The following NRP2 variants were observed in gnomAD, a reference collection of about 807,000 sequenced individuals.
NRP2 encodes the protein neuropilin-2.
A neutral mutation model predicts 110.4 loss-of-function variants in NRP2; 52 were observed. The observed-to-expected ratio is 0.47, with a 90% CI of 0.38 to 0.59. The LOEUF (loss-of-function observed/expected upper bound fraction) is 0.59. Ranked by LOEUF, NRP2 falls within the 20% of genes least tolerant of loss-of-function variation. NRP2 has a pLI of 0.00. For synonymous variants in NRP2, 508 were observed against 468.9 expected (o/e 1.08, Z -1.08); for missense variants, 1,049 against 1,203.0 (o/e 0.87, Z 1.89).
At chr2:205,737,773 T>C (rs373376374) in intron 7 of NRP2, among the ~76,000 whole-genome samples, 4 of 152,304 alleles carry the variant, frequency 2.6e-5, no homozygotes, top group South Asian at 2.1e-4. Context: ...TGAAGTTCAA[T>C]TGAAGCAGTC....
At chr2:205,766,911 G>C (rs928106772) in intron 15 of NRP2, 108 bp downstream of exon 15, 4 of 1,043,752 alleles carry the variant, frequency 3.8e-6, no homozygotes, top group South Asian at 1.3e-5. Context: ...GTCAAATCTC[G>C]CAAGAGAAAA....
chr2:205,781,897 C>A (rs1347928737), intron 15 of NRP2, among the ~76,000 whole-genome samples: 3 of 152,104 alleles, frequency 2.0e-5, no homozygotes, highest in African/African-American at 7.2e-5. Flanking sequence ...AGATCAGGTG[C>A]ACCACAGTAT....
chr2:205,697,547 C>G lies in NRP2; in HGVS notation c.77C>G (p.Pro26Arg), dbSNP rs2056459463. 1 of 1,613,794 alleles carries G rather than the reference C, an allele frequency of 6.2e-7. No homozygotes were observed. Reference sequence around the variant, plus strand: ...GGGTCGTTGATTTCTCTTTCAGACCCACCGTGCGGAGGTCGTTTGAATTCC... The same window carrying G: ...GGGTCGTTGATTTCTCTTTCAGACCGACCGTGCGGAGGTCGTTTGAATTCC... ...SRHQVRGQPD[P>R]PCGGRLNSKD... The change falls in exon 2 of 17, where the codon CCA becomes CGA. Residue 26 changes from proline to arginine, a missense_variant. Pro to Arg is a moderately radical substitution (Grantham distance 103). Coordinates refer to ENST00000357785, the MANE Select transcript of NRP2 (RefSeq NM_003872.3).
At chr2:205,748,417 A>G (rs1445551124) in intron 10 of NRP2, among the ~76,000 whole-genome samples, 3 of 152,200 alleles carry the variant, frequency 2.0e-5, no homozygotes, top group Non-Finnish European at 4.4e-5. Flanking sequence ...AGTTTGCTTT[A>G]CAATCGAGTT....
chr2:205,690,684 G>T (rs2056296129), intron 1 of NRP2, among the ~76,000 whole-genome samples: 1 of 151,540 alleles, frequency 6.6e-6, no homozygotes, highest in Admixed American at 6.6e-5. Context: ...GGAGGCTAAG[G>T]CAGGAAAATC....
At chr2:205,723,193 G>A (rs1434447235) in intron 4 of NRP2, among the ~76,000 whole-genome samples, 1 of 152,176 alleles carries the variant, frequency 6.6e-6, no homozygotes. Context: ...CATTAATATA[G>A]TCATAAATAT....
intron 8 of NRP2, 23 bp downstream of exon 8, chr2:205,740,686 G>A: frequency 2.5e-6 from 4 of 1,613,522 alleles, no homozygotes; most frequent in Non-Finnish European, 3.4e-6. Context: ...CTCCAATGAG[G>A]TTGGGGTGCT....
chr2:205,722,259 C>T (rs2057035901), intron 3 of NRP2: 2 of 594,812 alleles, frequency 3.4e-6, no homozygotes, highest in African/African-American at 1.9e-5. Flanking sequence ...TTGCTGCTCT[C>T]ACTCTAATAA....
chr2:205,755,714 G>A (rs966824097), intron 12 of NRP2, among the ~76,000 whole-genome samples: 5 of 152,038 alleles, frequency 3.3e-5, no homozygotes, highest in Admixed American at 1.3e-4. Context: ...AGCGGCTGGC[G>A]CCCACAGAGT....
intron 2 of NRP2, among the ~76,000 whole-genome samples, chr2:205,701,772 T>C (rs528198348): frequency 6.9e-4 from 105 of 152,326 alleles, no homozygotes; most frequent in Non-Finnish European, 1.1e-3. Context: ...AATATCCACC[T>C]TTAAAGTTCT....
At chr2:205,726,297 G>A (rs1017048643) in intron 6 of NRP2, among the ~76,000 whole-genome samples, 1 of 152,186 alleles carries the variant, frequency 6.6e-6, no homozygotes, top group Non-Finnish European at 1.5e-5. Flanking sequence ...TGCCCTTGTG[G>A]GGATTACTGG....
chr2:205,725,868 T>G lies in NRP2; in HGVS notation c.821-45T>G. 1.4e-5 allele frequency: 23 copies of G among 1,607,226 alleles called. No homozygotes were observed. The highest frequency in any genetic ancestry group is 1.7e-5 in the Non-Finnish European group (20 of 1,174,908). ...GCAGCATTTGGGGGATCCCGAGGTA[T>G]GAGGTTGGAAGGCCTAACTGCATTT... On this transcript the variant is annotated intron_variant, in intron 5 of 16. Transcript: ENST00000357785. This position sits in a 1 kb window ranked among gnomAD's most constrained non-coding sequence, Gnocchi z 4.1.
rs768218901 is a variant in NRP2, at chr2:205,765,510, G to A, written c.2344G>A (p.Gly782Arg). ...GGGAGTGATAGGGAAAGGACGTTCCGGAGAGATTGCCATTGATGACATTCG... is the reference window on the plus strand; with the variant it reads ...GGGAGTGATAGGGAAAGGACGTTCCAGAGAGATTGCCATTGATGACATTCG... ...FEGVIGKGRS[G>R]EIAIDDIRIS... The change falls in exon 14 of 17, where the codon GGA becomes AGA. Residue 782 changes from glycine (G) to arginine (R), a missense_variant. Transcript: ENST00000357785. 9.9e-6 allele frequency: 16 copies of A among 1,613,952 alleles called. No individual in the cohort carries two copies. Among genetic ancestry groups the A allele is most frequent in the South Asian group, 6.6e-5 (6 of 91,072 alleles).
chr2:205,731,905 C>T (rs1230326081), intron 7 of NRP2, among the ~76,000 whole-genome samples: 1 of 152,224 alleles, frequency 6.6e-6, no homozygotes, highest in Non-Finnish European at 1.5e-5. Context: ...AGCTTATTCA[C>T]TAGAGTATTT....
chr2:205,767,441 G>A (rs542932464), intron 15 of NRP2: 16 of 517,904 alleles, frequency 3.1e-5, no homozygotes, highest in African/African-American at 7.7e-5. Context: ...AAGGGAATAA[G>A]GAGGTGCATT....
intron 1 of NRP2, among the ~76,000 whole-genome samples, chr2:205,687,448 C>G (rs1318284021): frequency 2.6e-5 from 4 of 151,938 alleles, no homozygotes. Context: ...ATTTTTCCCC[C>G]GTGATCAGCT....
intron 8 of NRP2, among the ~76,000 whole-genome samples, chr2:205,742,901 C>T (rs1454322053): frequency 2.0e-5 from 3 of 152,142 alleles, no homozygotes; most frequent in African/African-American, 7.2e-5. Context: ...TGCAACAGCC[C>T]TCAAGAGGTA....
At chr2:205,783,862 A>AT (rs2058205380) in intron 15 of NRP2, among the ~76,000 whole-genome samples, 1 of 152,218 alleles carries the variant, frequency 6.6e-6, no homozygotes, top group East Asian at 1.9e-4. Context: ...GTGTGTGGCT[A>AT]TATAGGTCCA....
chr2:205,749,924 G>T lies in NRP2; in HGVS notation c.1903+83G>T, dbSNP rs574701683. On this transcript the variant is annotated intron_variant, in intron 11 of 16. Coordinates refer to ENST00000357785, the MANE Select transcript of NRP2 (RefSeq NM_003872.3). Reference sequence around the variant, plus strand: ...CCTGTGGCTGGACAGGGACCTAGTGGTCCCCCAGATCAGAGATCCAGGGGA... The same window carrying T: ...CCTGTGGCTGGACAGGGACCTAGTGTTCCCCCAGATCAGAGATCCAGGGGA... 2.2e-3 allele frequency: 2,310 copies of T among 1,028,452 alleles called. 37 individuals are homozygous for T. In the African/African-American group the frequency reaches 0.031, roughly 14 times the overall value. 63.7% of individuals were successfully genotyped at this position (1,028,452 alleles called of 1,614,324 possible).
Sources: allele counts gnomAD v4.1 joint callset (sites outside exome capture counted in the v4.1 genomes callset), GRCh38; gene constraint gnomAD v4.1.1; non-coding constraint Gnocchi (gnomAD v3.1); transcripts MANE v1.5; gene names NCBI Gene and HGNC (gene_info 2026-07-23, HGNC 2026-07-21).